The following ARHGAP18 variants were observed in gnomAD, a reference collection of about 807,000 sequenced individuals.
ARHGAP18 encodes the protein Rho GTPase activating protein 18.
ARHGAP18 carries 67 observed loss-of-function variants against 86.2 expected under a neutral mutation model. The ratio of observed to expected loss-of-function variants is 0.78; its 90% CI spans 0.64 to 0.95. ARHGAP18 has a LOEUF of 0.95. Among genes scored for constraint, ARHGAP18 ranks in the 40% least tolerant of loss-of-function variants. ARHGAP18 has a pLI of 0.00. For missense variants in ARHGAP18, 691 were observed against 780.4 expected (o/e 0.89, Z 1.37); for synonymous variants, 283 against 280.4 (o/e 1.01, Z -0.09).
At chr6:129,681,632 T>G (rs1774325941) in intron 1 of ARHGAP18, among the ~76,000 whole-genome samples, 1 of 152,208 alleles carries the variant, frequency 6.6e-6, no homozygotes, top group Admixed American at 6.5e-5. Context: ...TTAACTTTTT[T>G]TTGCTTGTAT....
intron 1 of ARHGAP18, among the ~76,000 whole-genome samples, chr6:129,643,219 T>G (rs1261172258): frequency 6.6e-6 from 1 of 152,136 alleles, no homozygotes; most frequent in Non-Finnish European, 1.5e-5. Flanking sequence ...ACGGTTGATA[T>G]GGTTTGGCTA....
intron 14 of ARHGAP18, among the ~76,000 whole-genome samples, chr6:129,579,608 A>T (rs1788246515): frequency 6.6e-6 from 1 of 152,196 alleles, no homozygotes; most frequent in Non-Finnish European, 1.5e-5. Flanking sequence ...TTAAATTACT[A>T]ATGTGAATTT....
rs758236154 is a variant in ARHGAP18, at chr6:129,641,869, G to A, written c.263C>T (p.Ser88Phe). 6.2e-7 allele frequency: 1 copy of A among 1,613,830 alleles called. No homozygotes were observed. The highest frequency in any genetic ancestry group is 1.7e-5 in the Admixed American group (1 of 60,016). ...TTGATCTTCTTGGCTGTTTTCACTA[G>A]ATTTCTTGATGTTTTCTAGTTCTAT... Reference protein sequence around the residue: ...YWIELENIKKSSENSQEDQEV... With the variant: ...YWIELENIKKFSENSQEDQEV... The change falls in exon 2 of 15, where the codon TCT becomes TTT. Residue 88 changes from serine to phenylalanine, a missense_variant. Ser to Phe is a radical substitution (Grantham distance 155). Coordinates refer to ENST00000368149, the MANE Select transcript of ARHGAP18 (RefSeq NM_033515.3).
chr6:129,651,058 C>T (rs1035861009), intron 1 of ARHGAP18, among the ~76,000 whole-genome samples: 3 of 152,038 alleles, frequency 2.0e-5, no homozygotes, highest in South Asian at 2.1e-4. Flanking sequence ...TCCCTGGCTT[C>T]GAGCAAACTG....
intron 5 of ARHGAP18, among the ~76,000 whole-genome samples, chr6:129,625,609 A>T (rs1361558451): frequency 1.5e-5 from 1 of 67,434 alleles, no homozygotes; most frequent in Non-Finnish European, 2.6e-5. Context: ...ATTATATATT[A>T]TTATATATTT....
intron 4 of ARHGAP18, among the ~76,000 whole-genome samples, chr6:129,633,430 A>C (rs34080243): frequency 3.1e-5 from 3 of 97,976 alleles, no homozygotes; most frequent in Admixed American, 1.0e-4. Context: ...GCAAGACTCC[A>C]CCTCAAAAAA....
chr6:129,631,163 GA>G (rs978892723), intron 4 of ARHGAP18, among the ~76,000 whole-genome samples: 1 of 151,926 alleles, frequency 6.6e-6, no homozygotes, highest in Non-Finnish European at 1.5e-5. Context: ...ATTCTAAGAG[GA>G]AAAAAATGAT....
rs1287021687 is a variant in ARHGAP18 at position 129,629,394 on chromosome 6, C to T, written c.745G>A (p.Glu249Lys). 5 of 1,613,740 alleles carry T rather than the reference C, an allele frequency of 3.1e-6. No homozygotes were observed. Among genetic ancestry groups the T allele is most frequent in the Middle Eastern group, 1.7e-4 (1 of 6,048 alleles). Residue 249 changes from glutamate (E) to lysine (K), a missense_variant, in exon 5 of 15, where the codon GAG (glutamate) becomes AAG (lysine). Coordinates refer to ENST00000368149, the MANE Select transcript of ARHGAP18 (RefSeq NM_033515.3). ...QALNQKESSKEKIQKSKGDDA... is the reference protein window; with the variant it reads ...QALNQKESSKKKIQKSKGDDA... ...TCGCCTTTGCTCTTCTGGATTTTCT[C>T]CTTGGAGCTCTCTTTCTGATTGAGT...
intron 1 of ARHGAP18, among the ~76,000 whole-genome samples, chr6:129,692,079 C>T (rs1774539375): frequency 6.6e-6 from 1 of 152,220 alleles, no homozygotes; most frequent in African/African-American, 2.4e-5. Flanking sequence ...TTCTCCTCTT[C>T]CAGGCCCCTG....
Position 129,698,944 on chromosome 6 carries a change from T to C in ARHGAP18, c.113+11080A>G, listed in dbSNP as rs559418595. On this transcript the variant is annotated intron_variant, in intron 1 of 14. Transcript: ENST00000368149. ...CTGACCTCAGGTGATCCACCCACCT[T>C]GGCATCCCAAAGTGCTGGGATTACA... is the stretch of plus-strand genomic sequence containing the variant. Among the ~76,000 whole-genome samples the C allele has an allele frequency of 7.8e-4, 119 of 152,012 alleles. 1 individual carries two copies. The highest frequency in any genetic ancestry group is 5.4e-3 in the Admixed American group (83 of 15,246).
intron 5 of ARHGAP18, among the ~76,000 whole-genome samples, chr6:129,626,105 C>CACACACACACACACACAT (rs1425322925): frequency 8.0e-6 from 1 of 124,878 alleles, no homozygotes; most frequent in Non-Finnish European, 1.6e-5. Context: ...CACACACACA[C>CACACACACACACACACAT]ATATATAGAA....
chr6:129,671,731 G>C (rs1774146247), intron 1 of ARHGAP18, among the ~76,000 whole-genome samples: 1 of 151,946 alleles, frequency 6.6e-6, no homozygotes, highest in African/African-American at 2.4e-5. Context: ...TAAAAAACTT[G>C]AGTTAGATTA....
At chr6:129,691,183 G>A (rs369672696) in intron 1 of ARHGAP18, among the ~76,000 whole-genome samples, 16 of 152,300 alleles carry the variant, frequency 1.1e-4, no homozygotes, top group African/African-American at 3.6e-4. Flanking sequence ...GGAAGTGAAT[G>A]ACCCCCAAAC....
At position 129,580,141 on chromosome 6, in the gene ARHGAP18, A is replaced by G; in HGVS notation, c.1839-10T>C. 1 of 1,611,634 alleles carries G rather than the reference A, an allele frequency of 6.2e-7. No homozygotes were observed. Among genetic ancestry groups the G allele is most frequent in the South Asian group, 1.1e-5 (1 of 90,954 alleles). ...AGTCTGGGCAACCCCACTATGAGGG[A>G]CAAAACAAACCGATTAGTTGTATCA... is the stretch of plus-strand genomic sequence containing the variant. On this transcript the variant is annotated splice_polypyrimidine_tract_variant and intron_variant, in intron 13 of 14. Transcript: ENST00000368149.
chr6:129,650,075 G>C (rs1037985546), intron 1 of ARHGAP18, among the ~76,000 whole-genome samples: 1 of 130,872 alleles, frequency 7.6e-6, no homozygotes, highest in African/African-American at 3.1e-5. Flanking sequence ...ACCACACCTG[G>C]CTAATTTTTT....
At chr6:129,582,278 T>C (rs1215473702) in intron 13 of ARHGAP18, among the ~76,000 whole-genome samples, 1 of 152,196 alleles carries the variant, frequency 6.6e-6, no homozygotes, top group Non-Finnish European at 1.5e-5. Flanking sequence ...ATGACTATGA[T>C]TGTTTTCATG....
intron 1 of ARHGAP18, among the ~76,000 whole-genome samples, chr6:129,648,320 C>T (rs1301206351): frequency 1.3e-5 from 2 of 151,918 alleles, no homozygotes; most frequent in African/African-American, 2.4e-5. Flanking sequence ...TACAGGCACA[C>T]ACCACTTCAC....
rs1458176060 is a variant in ARHGAP18 at position 129,587,539 on chromosome 6, G to A, written c.1714-3427C>T. Reference sequence around the variant, plus strand: ...TTTAATTGATTCATAGCTCCTCATGGCTAGGGAGGCCTCAGGAAACTTACA... The same window carrying A: ...TTTAATTGATTCATAGCTCCTCATGACTAGGGAGGCCTCAGGAAACTTACA... On this transcript the variant is annotated intron_variant, in intron 12 of 14. Transcript: ENST00000368149. 2.6e-5 allele frequency among the ~76,000 whole-genome samples: 4 copies of A among 152,148 alleles called. No individual in the cohort carries two copies. The East Asian group carries it at 7.7e-4, about 29-fold the overall frequency.
At chr6:129,621,490 A>G (rs1035588770) in intron 5 of ARHGAP18, among the ~76,000 whole-genome samples, 13 of 152,186 alleles carry the variant, frequency 8.5e-5, no homozygotes, top group African/African-American at 3.1e-4. Context: ...ACAGGGCTCA[A>G]GAGAGTGGAG....
Sources: allele counts gnomAD v4.1 joint callset (sites outside exome capture counted in the v4.1 genomes callset), GRCh38; gene constraint gnomAD v4.1.1; transcripts MANE v1.5; gene names NCBI Gene and HGNC (gene_info 2026-07-23, HGNC 2026-07-21).